Variants in HSPG2 observed in about 807,000 individuals in gnomAD.
The protein encoded by HSPG2 is basement membrane-specific heparan sulfate proteoglycan core protein.
HSPG2 carries 278 observed loss-of-function variants against 526.6 expected under a neutral mutation model. The observed-to-expected ratio is 0.53, with a 90% CI of 0.48 to 0.58. The LOEUF (loss-of-function observed/expected upper bound fraction) is 0.58, where lower values mean the gene tolerates loss of function less well. HSPG2 is among the 20% of genes least tolerant of loss of function. The probability of loss-of-function intolerance (pLI) is 0.00; values close to 1 mark genes in which losing one functional copy is unlikely to be tolerated. For synonymous variants in HSPG2, 2,465 were observed against 2,555.4 expected (o/e 0.96, Z 1.07); for missense variants, 5,354 against 6,099.5 (o/e 0.88, Z 4.07).
intron 1 of HSPG2, among the ~76,000 whole-genome samples, chr1:21,925,806 G>T (rs1449019222): frequency 6.6e-6 from 1 of 152,018 alleles, no homozygotes; most frequent in Non-Finnish European, 1.5e-5. Context: ...GACAACCTGG[G>T]CTCCATTCCC....
chr1:21,890,686 G>A lies in HSPG2; in HGVS notation c.253C>T (p.Arg85Ter), dbSNP rs747493127. 7 of 1,612,214 alleles carry A rather than the reference G, an allele frequency of 4.3e-6. No homozygotes were observed. In the Admixed American group the frequency reaches 8.3e-5, roughly 19 times the overall value. Residue 85 changes from arginine (R) to a stop codon, truncating the protein, a stop_gained, in exon 4 of 97, where the codon CGA becomes TGA. Transcript: ENST00000374695. LOFTEE classifies it high-confidence loss of function. This position sits in a 1 kb window ranked among gnomAD's most constrained non-coding sequence, Gnocchi z 4.1. Reference protein sequence around the residue: ...GSGDFQMVYFRALVNFTRSIE... With the variant: ...GSGDFQMVYF Reference sequence around the variant, plus strand: ...GAGCGAGTGAAATTCACCAGGGCTCGGAAATAAACTGGAAAATCGAAGGAG... The same window carrying A: ...GAGCGAGTGAAATTCACCAGGGCTCAGAAATAAACTGGAAAATCGAAGGAG...
At chr1:21,899,136 C>G (rs1165496174) in intron 1 of HSPG2, among the ~76,000 whole-genome samples, 1 of 152,204 alleles carries the variant, frequency 6.6e-6, no homozygotes, top group Non-Finnish European at 1.5e-5. Flanking sequence ...CTGTTGCTTG[C>G]AGCCCCCACC....
rs191793357 is a variant in HSPG2 at position 21,846,914 on chromosome 1, C to T, written c.8165-315G>A. ...ACTCGGGAAGCTGAGACAGGAGAAT[C>T]GCTTGAACCTGGAAGGCGGAAGTTG... On this transcript the variant is annotated intron_variant, in intron 62 of 96. Transcript: ENST00000374695. Among the ~76,000 whole-genome samples the T allele has an allele frequency of 8.8e-3, 1,343 of 152,110 alleles. 21 individuals are homozygous for T. Among genetic ancestry groups the T allele is most frequent in the African/African-American group, 0.031 (1,292 of 41,458 alleles).
In HSPG2 at chr1:21,874,980, C is replaced by G. The variant is rs777707172; in HGVS notation, c.3325G>C (p.Val1109Leu). 1 of 1,606,052 alleles carries G rather than the reference C, an allele frequency of 6.2e-7. No individual in the cohort carries two copies. The highest frequency in any genetic ancestry group is 1.3e-5 in the African/African-American group (1 of 74,832). ...TGGCCGGTTTCCTCGGGCACAGCCA[C>G]GTCCATGCTGATGCCAGAGACCCTG... ...ESRVSGISMD[V>L]AVPEETGQDP... is the part of the protein sequence containing the mutation. The change falls in exon 26 of 97, where the codon GTG (valine) becomes CTG (leucine). Residue 1109 changes from valine (V) to leucine (L), a missense_variant. Coordinates refer to ENST00000374695, the MANE Select transcript of HSPG2 (RefSeq NM_005529.7).
At position 21,864,160 on chromosome 1, in the gene HSPG2, G is replaced by A. The variant is rs375634074; in HGVS notation, c.4680C>T (p.Cys1560=). The A allele has an allele frequency of 2.2e-5, 34 of 1,556,374 alleles. No individual in the cohort carries two copies. The East Asian group carries it at 3.6e-4, about 17-fold the overall frequency. The change falls in exon 37 of 97, where the codon TGC becomes TGT. Residue 1560 remains cysteine (C), a synonymous_variant. Transcript: ENST00000374695. This position sits in a 1 kb window ranked among gnomAD's most constrained non-coding sequence, Gnocchi z 4.8. ...AGTGGCCATTGCATTCACATAGCTC[G>A]CAGTGGCCGAGGTAGAGCCCACTCC... The part of the protein sequence containing the change: ...RTGSGLYLGH[C]ELCECNGHSD...
chr1:21,885,065 T>C lies in HSPG2; in HGVS notation c.1303A>G (p.Thr435Ala), dbSNP rs199940786. Residue 435 changes from threonine (T) to alanine (A), a missense_variant, in exon 11 of 97, where the codon ACC becomes GCC. Transcript: ENST00000374695. The part of the protein sequence containing the change: ...TFTCVAIGVP[T>A]PIINWRLNWG... ...TTGAGCCTCCAATTGATGATGGGGGTGGGGACGCCAATGGCCACGCAGGTG... is the reference window on the plus strand; with the variant it reads ...TTGAGCCTCCAATTGATGATGGGGGCGGGGACGCCAATGGCCACGCAGGTG... 1 of 1,612,970 alleles carries C rather than the reference T, an allele frequency of 6.2e-7. No individual in the cohort carries two copies. Among genetic ancestry groups the C allele is most frequent in the Non-Finnish European group, 8.5e-7 (1 of 1,179,812 alleles).
rs372150695 is a variant in HSPG2 at position 21,847,313 on chromosome 1, C to T, written c.8164+41G>A. 6.2e-6 allele frequency: 10 copies of T among 1,611,082 alleles called. No individual in the cohort carries two copies. The African/African-American group carries it at 1.3e-4, about 22-fold the overall frequency. Reference sequence around the variant, plus strand: ...GAAAGTTCCTTCTCCCCAGGGAACACTGTTGCCTGCATCCCTCGTCCCTTT... The same window carrying T: ...GAAAGTTCCTTCTCCCCAGGGAACATTGTTGCCTGCATCCCTCGTCCCTTT... On this transcript the variant is annotated intron_variant, in intron 62 of 96. Transcript: ENST00000374695. This position sits in a 1 kb window ranked among gnomAD's most constrained non-coding sequence, Gnocchi z 4.1.
At position 21,864,031 on chromosome 1, in the gene HSPG2, G is replaced by T; in HGVS notation, c.4740+69C>A. On this transcript the variant is annotated intron_variant, in intron 37 of 96. Transcript: ENST00000374695. This position sits in a 1 kb window ranked among gnomAD's most constrained non-coding sequence, Gnocchi z 4.8. ...GATCCCCTGGATTGATGCCTGCCTT[G>T]TCCAGCCCTGGTCCCCCACCCAGGC... 8.2e-7 allele frequency: 1 copy of T among 1,216,630 alleles called. No individual in the cohort carries two copies. The highest frequency in any genetic ancestry group is 1.2e-6 in the Non-Finnish European group (1 of 844,042). 75.4% of individuals were successfully genotyped at this position (1,216,630 alleles called of 1,614,324 possible). A position where few individuals can be genotyped will look rare whatever the true frequency, so the allele number is the denominator to read the frequency against.
intron 1 of HSPG2, among the ~76,000 whole-genome samples, chr1:21,933,610 G>A (rs1267203324): frequency 7.2e-5 from 11 of 152,214 alleles, no homozygotes; most frequent in Non-Finnish European, 1.5e-4. Context: ...TAACTTGTCT[G>A]CGCTCAGCCT....
chr1:21,863,060 C>CAAAAAAAA (rs60890297), intron 37 of HSPG2, among the ~76,000 whole-genome samples: 7 of 31,234 alleles, frequency 2.2e-4, no homozygotes, highest in African/African-American at 5.9e-4. Flanking sequence ...GACTCCATCT[C>CAAAAAAAA]AAAAAAAAAA....
intron 71 of HSPG2, 72 bp from the exon 72 acceptor site, chr1:21,840,089 T>C: frequency 7.8e-7 from 1 of 1,275,694 alleles, no homozygotes. Context: ...AGCTCTGGCT[T>C]GGTCTTCCCT....
chr1:21,875,270 G>A (rs1640959461), intron 25 of HSPG2: 2 of 599,400 alleles, frequency 3.3e-6, no homozygotes, highest in Admixed American at 5.8e-5. Context: ...CAGGCTACAA[G>A]AGCCCACGGG....
intron 44 of HSPG2, 142 bp downstream of exon 44, chr1:21,856,873 C>G: frequency 1.1e-6 from 1 of 880,782 alleles, no homozygotes; most frequent in Non-Finnish European, 1.9e-6. Flanking sequence ...CTTCTCTCCC[C>G]TGCTTCTGCA....
chr1:21,931,746 C>T (rs1644356386), intron 1 of HSPG2, among the ~76,000 whole-genome samples: 1 of 152,168 alleles, frequency 6.6e-6, no homozygotes, highest in Non-Finnish European at 1.5e-5. Context: ...TGGGCAGGCC[C>T]TCCTGCCCTC....
rs761456886 is a variant in HSPG2 at position 21,859,908 on chromosome 1, G to C, written c.5109C>G (p.Ser1703Arg). Residue 1703 changes from serine to arginine, a missense_variant, in exon 41 of 97, where the codon AGC becomes AGG. Physicochemically the swap from Ser to Arg is moderately radical, Grantham distance 110. Transcript: ENST00000374695. The surrounding 1 kb of genome is among the most constrained non-coding windows in gnomAD (Gnocchi z 5.3). ...SHSLRCQVSG[S>R]PPHYFYWSRE... The stretch of plus-strand genomic sequence containing the variant: ...GGGACCAATAGAAGTAGTGGGGTGG[G>C]CTCCCACTGACCTGACACCGCAGGG... 6.2e-7 allele frequency: 1 copy of C among 1,610,146 alleles called. No individual in the cohort carries two copies. The highest frequency in any genetic ancestry group is 1.3e-5 in the African/African-American group (1 of 74,916).
Position 21,874,453 on chromosome 1 carries a change from T to G in HSPG2, c.3609A>C (p.Pro1203=). The change falls in exon 28 of 97, where the codon CCA becomes CCC. Residue 1203 remains proline (P), a synonymous_variant. Transcript: ENST00000374695. ...GYYGDAQRGT[P]QDCQLCPCYG... ...AGCAGGGGCACAGCTGGCAGTCCTG[T>G]GGTGTCCCCCGCTGGGCGTCCCCGT... is the stretch of plus-strand genomic sequence containing the variant. 4 of 1,612,090 alleles carry G rather than the reference T, an allele frequency of 2.5e-6. No homozygotes were observed. The highest frequency in any genetic ancestry group is 3.4e-6 in the Non-Finnish European group (4 of 1,179,930).
In HSPG2 at chr1:21,880,198, C is replaced by T. The variant is rs767643869; in HGVS notation, c.2252G>A (p.Arg751Gln). The change falls in exon 17 of 97, where the codon CGG (arginine) becomes CAG (glutamine). Residue 751 changes from arginine to glutamine, a missense_variant. Arg to Gln is a conservative substitution (Grantham distance 43). Coordinates refer to ENST00000374695, the MANE Select transcript of HSPG2 (RefSeq NM_005529.7). ...GCCCAGGTAGGGCCCACCAGGCACC[C>T]GAGTGAAGTGGGCATCACAGCTCTC... ...SCESCDAHFT[R>Q]VPGGPYLGTC... 6.8e-6 allele frequency: 11 copies of T among 1,614,142 alleles called. No individual in the cohort carries two copies. The highest frequency in any genetic ancestry group is 6.6e-5 in the South Asian group (6 of 91,090).
intron 1 of HSPG2, among the ~76,000 whole-genome samples, chr1:21,923,417 T>A (rs921240752): frequency 1.3e-4 from 20 of 149,834 alleles, no homozygotes; most frequent in Non-Finnish European, 1.8e-4. Flanking sequence ...AAAAAAAAAA[T>A]AAAATAAAAT....
intron 18 of HSPG2, 83 bp from the exon 19 acceptor site, chr1:21,878,746 C>T: frequency 4.4e-6 from 6 of 1,350,722 alleles, no homozygotes; most frequent in South Asian, 2.4e-5. Flanking sequence ...CTGCTGTCTA[C>T]ACAGACACAG....
Sources: gnomAD v4.1 joint callset for allele counts (sites outside exome capture counted in the v4.1 genomes callset) on GRCh38, gnomAD v4.1.1 for gene constraint, Gnocchi (gnomAD v3.1) non-coding constraint, MANE v1.5 for transcripts, NCBI Gene and HGNC (gene_info 2026-07-23, HGNC 2026-07-21) for gene names.